Variants in TRIM52 observed in about 807,000 individuals in gnomAD.
TRIM52 encodes the protein tripartite motif containing 52, also known as E3 ubiquitin-protein ligase TRIM52.
A neutral mutation model predicts 27.0 loss-of-function variants in TRIM52; 24 were observed. The observed-to-expected ratio is 0.89, with a 90% confidence interval of 0.64 to 1.25. The LOEUF is 1.25. TRIM52 is among the 50% of genes most tolerant of loss of function. TRIM52 has a pLI of 0.00. For missense variants in TRIM52, 351 were observed against 354.7 expected (o/e 0.99, Z 0.08); for synonymous variants, 125 against 126.5 (o/e 0.99, Z 0.08).
downstream of TRIM52, among the ~76,000 whole-genome samples, chr5:181,252,110 T>C (rs1467427475): frequency 1.3e-5 from 2 of 152,236 alleles, no homozygotes; most frequent in Non-Finnish European, 2.9e-5. Flanking sequence ...TCAGAAGTGA[T>C]AGGTGGCTCA....
At chr5:181,250,640 C>G (rs1040738193), downstream of TRIM52, among the ~76,000 whole-genome samples, 3 of 152,028 alleles carry the variant, frequency 2.0e-5, no homozygotes, top group Admixed American at 2.0e-4. Context: ...AAAAGATGAC[C>G]CAAGTTTCAT....
At chr5:181,257,384 C>G in intron 1 of TRIM52, 1 of 1,585,652 alleles carries the variant, frequency 6.3e-7, no homozygotes, top group Non-Finnish European at 8.6e-7. Context: ...TAATGAACAC[C>G]TCCTGTGGCT....
chr5:181,257,011 T>C, intron 1 of TRIM52, 152 bp from the exon 2 acceptor site: 1 of 990,784 alleles, frequency 1.0e-6, no homozygotes, highest in Non-Finnish European at 1.2e-6. Flanking sequence ...ATGATTTTAT[T>C]GGTGGCAGCT....
At chr5:181,257,272 T>G in intron 1 of TRIM52, 1 of 1,297,036 alleles carries the variant, frequency 7.7e-7, no homozygotes. Flanking sequence ...CCAAAAAGCC[T>G]CTTCTTACAG....
downstream of TRIM52, among the ~76,000 whole-genome samples, chr5:181,253,549 A>T (rs1349464089): frequency 1.4e-5 from 2 of 143,130 alleles, no homozygotes; most frequent in Admixed American, 6.8e-5. Context: ...ATGTCTAGAG[A>T]CATTTGTGGT....
At chr5:181,253,205 T>C (rs1759677500), downstream of TRIM52, among the ~76,000 whole-genome samples, 1 of 141,422 alleles carries the variant, frequency 7.1e-6, no homozygotes, top group Non-Finnish European at 1.5e-5. Context: ...CTGGCTAATT[T>C]TGTATTTTTA....
chr5:181,256,803 A>C lies in TRIM52; in HGVS notation c.*6T>G, dbSNP rs1759797654. Reference sequence around the variant, plus strand: ...TGGCATGAATTTAACAGTGTTTGGCATGGTGTCACTGCCCAACACTTTCAG... The same window carrying C: ...TGGCATGAATTTAACAGTGTTTGGCCTGGTGTCACTGCCCAACACTTTCAG... On this transcript the variant is annotated 3_prime_UTR_variant, in exon 2 of 2. Coordinates refer to ENST00000688015, the MANE Select transcript of TRIM52 (RefSeq NM_001346048.2). 1.0e-6 allele frequency: 1 copy of C among 985,318 alleles called. No individual in the cohort carries two copies. Among genetic ancestry groups the C allele is most frequent in the South Asian group, 4.7e-5 (1 of 21,290 alleles). The allele number at this position is 985,318 out of a possible 1,614,324, so 61.0% of individuals were successfully genotyped here.
intron 1 of TRIM52, chr5:181,259,552 A>G (rs993940552): frequency 1.5e-5 from 3 of 203,504 alleles, no homozygotes; most frequent in South Asian, 1.6e-4. Context: ...ATTTCTGTCT[A>G]CCAATACATC....
At chr5:181,253,055 G>GTT (rs1192269078), downstream of TRIM52, among the ~76,000 whole-genome samples, 1 of 140,232 alleles carries the variant, frequency 7.1e-6, no homozygotes, top group Non-Finnish European at 1.5e-5. Flanking sequence ...TTTTTTTTGA[G>GTT]ATGGAGTTTC....
In TRIM52 at chr5:181,260,769, C is replaced by CT. The variant is rs780790573; in HGVS notation, c.44dup (p.Glu16GlyfsTer35). 5.6e-6 allele frequency: 9 copies of CT among 1,611,472 alleles called. No individual in the cohort carries two copies. The Admixed American group carries it at 1.0e-4, about 18-fold the overall frequency. On this transcript the variant is annotated frameshift_variant, in exon 1 of 2. Coordinates refer to ENST00000688015, the MANE Select transcript of TRIM52 (RefSeq NM_001346048.2). LOFTEE classifies it high-confidence loss of function. This position sits in a 1 kb window ranked among gnomAD's most constrained non-coding sequence, Gnocchi z 4.4. Reference sequence around the variant, plus strand: ...AGCAGATGGCACACACCGCTTCCTCCTGAAGGGTCTGCATGGGGCTGGGAG... The same window carrying CT: ...AGCAGATGGCACACACCGCTTCCTCCTTGAAGGGTCTGCATGGGGCTGGGAG...
rs1398631655 is a variant in TRIM52 at position 181,260,962 on chromosome 5, CCTCT to C, written c.-153_-150del. ...CGGGGCCGCAGGGGAGCTTTGACCC[CCTCT>C]CTCAGGGTGCGAACGCCCAGATCCA... On this transcript the variant is annotated 5_prime_UTR_variant, in exon 1 of 2. Transcript: ENST00000688015. The surrounding 1 kb of genome is among the most constrained non-coding windows in gnomAD (Gnocchi z 4.4). 8.0e-6 allele frequency: 10 copies of C among 1,249,360 alleles called. No homozygotes were observed. The highest frequency in any genetic ancestry group is 1.1e-5 in the Non-Finnish European group (10 of 931,762). The allele number at this position is 1,249,360 out of a possible 1,614,324, so 77.4% of individuals were successfully genotyped here.
rs758059040 is a variant in TRIM52, at chr5:181,260,117, C to T, written c.697G>A (p.Ala233Thr). Residue 233 changes from alanine (A) to threonine (T), a missense_variant, in exon 1 of 2, where the codon GCC becomes ACC. Coordinates refer to ENST00000688015, the MANE Select transcript of TRIM52 (RefSeq NM_001346048.2). This position sits in a 1 kb window ranked among gnomAD's most constrained non-coding sequence, Gnocchi z 4.4. ...DQGMCFKHQE[A>T]LKLFCEVDKE... Reference sequence around the variant, plus strand: ...TCCACCTCACAGAAGAGTTTCAGGGCTTCCTGGTGTTTAAAGCACATGCCC... The same window carrying T: ...TCCACCTCACAGAAGAGTTTCAGGGTTTCCTGGTGTTTAAAGCACATGCCC... 17 of 1,614,140 alleles carry T rather than the reference C, an allele frequency of 1.1e-5. No homozygotes were observed. Among genetic ancestry groups the T allele is most frequent in the Admixed American group, 5.0e-5 (3 of 60,012 alleles).
At chr5:181,250,564 G>A (rs182016541), downstream of TRIM52, among the ~76,000 whole-genome samples, 19 of 152,196 alleles carry the variant, frequency 1.2e-4, no homozygotes, top group African/African-American at 3.9e-4. Flanking sequence ...AGAAATGCAG[G>A]GAGAAGTCAA....
rs991234160 is a variant in TRIM52, at chr5:181,256,385, T to C, written c.*424A>G. ...AAGATGAGCCGATTTTTTTTTTTTTTTGAGATGGAGTCTTGCTCTATTGCC... is the reference window on the plus strand; with the variant it reads ...AAGATGAGCCGATTTTTTTTTTTTTCTGAGATGGAGTCTTGCTCTATTGCC... On this transcript the variant is annotated 3_prime_UTR_variant, in exon 2 of 2. Transcript: ENST00000688015. The C allele has an allele frequency of 3.3e-4, 50 of 152,216 alleles. No homozygotes were observed. Among genetic ancestry groups the C allele is most frequent in the African/African-American group, 1.0e-3 (43 of 41,540 alleles). The allele number at this position is 152,216 out of a possible 1,614,324, so 9.4% of individuals were successfully genotyped here.
intron 1 of TRIM52, chr5:181,259,133 G>C (rs1400196312): frequency 6.6e-6 from 1 of 152,204 alleles, no homozygotes; most frequent in Non-Finnish European, 1.5e-5. Flanking sequence ...AGAAAGCAAG[G>C]CATTAACCAT....
downstream of TRIM52, among the ~76,000 whole-genome samples, chr5:181,249,618 G>A (rs1437190934): frequency 6.6e-6 from 1 of 151,868 alleles, no homozygotes; most frequent in Non-Finnish European, 1.5e-5. Context: ...GGAGGCCGCA[G>A]TGAGCTATGA....
chr5:181,256,967 AT>A (rs1759806951), intron 1 of TRIM52, 108 bp from the exon 2 acceptor site: 1 of 986,574 alleles, frequency 1.0e-6, no homozygotes, highest in African/African-American at 1.7e-5. Flanking sequence ...AGTACTGATG[AT>A]GGAAGCATCT....
rs1236576641 is a variant in TRIM52, at chr5:181,260,998, C to G, written c.-185G>C. On this transcript the variant is annotated 5_prime_UTR_variant, in exon 1 of 2. Coordinates refer to ENST00000688015, the MANE Select transcript of TRIM52 (RefSeq NM_001346048.2). The surrounding 1 kb of genome is among the most constrained non-coding windows in gnomAD (Gnocchi z 4.4). ...GTGCGAACGCCCAGATCCAGACTCA[C>G]AGCCTCTCTCTGGGATCGGTGGGGA... is the stretch of plus-strand genomic sequence containing the variant. The G allele has an allele frequency of 2.5e-6, 2 of 802,628 alleles. No individual in the cohort carries two copies. Among genetic ancestry groups the G allele is most frequent in the Non-Finnish European group, 1.9e-6 (1 of 528,562 alleles). 49.7% of individuals were successfully genotyped at this position (802,628 alleles called of 1,614,324 possible).
intron 1 of TRIM52, chr5:181,257,487 T>C: frequency 6.2e-7 from 1 of 1,611,194 alleles, no homozygotes. Flanking sequence ...TGTTTCCAAC[T>C]TTATTTCCTA....
Sources: allele counts gnomAD v4.1 joint callset (sites outside exome capture counted in the v4.1 genomes callset), GRCh38; gene constraint gnomAD v4.1.1; non-coding constraint Gnocchi (gnomAD v3.1); transcripts MANE v1.5; gene names NCBI Gene and HGNC (gene_info 2026-07-23, HGNC 2026-07-21).